Variants in PLCB1 observed in about 807,000 individuals in gnomAD.
PLCB1 encodes the protein phospholipase C beta 1.
In PLCB1, 46 loss-of-function variants were observed where a neutral mutation model predicts 161.8. The observed-to-expected ratio is 0.28, with a 90% CI of 0.22 to 0.36. The LOEUF is 0.36. Ranked by LOEUF, PLCB1 falls within the 10% of genes least tolerant of loss-of-function variation. PLCB1 has a pLI of 1.00. For synonymous variants in PLCB1, 517 were observed against 503.7 expected, an observed-to-expected ratio of 1.03 and a Z score of -0.35; for missense variants, 1,016 against 1,472.5, an observed-to-expected ratio of 0.69 and a Z score of 5.07.
rs1424572946 is a variant in PLCB1, at chr20:8,789,420, T to C, written c.3279-98T>C. ...AAAAATAAGGAAAAAAGAAAAAGAA[T>C]GTTGAGAGTTCTGTAACCTTTTATC... On this transcript the variant is annotated intron_variant, in intron 29 of 31. Coordinates refer to ENST00000338037, the MANE Select transcript of PLCB1 (RefSeq NM_015192.4). The C allele has an allele frequency of 1.1e-5, 9 of 801,266 alleles. 1 individual carries two copies. The highest frequency in any genetic ancestry group is 1.7e-5 in the African/African-American group (1 of 57,904). The allele number at this position is 801,266 out of a possible 1,614,324, so 49.6% of individuals were successfully genotyped here.
chr20:8,521,568 G>C (rs1389266006), intron 3 of PLCB1, among the ~76,000 whole-genome samples: 1 of 152,088 alleles, frequency 6.6e-6, no homozygotes, highest in African/African-American at 2.4e-5. Context: ...AGCTGGGTGT[G>C]GTGGTGTGTG....
intron 3 of PLCB1, among the ~76,000 whole-genome samples, chr20:8,622,630 C>T (rs1350265699): frequency 6.6e-6 from 1 of 152,136 alleles, no homozygotes; most frequent in East Asian, 1.9e-4. Context: ...GTGTTTTGAG[C>T]CTCAGTTGCC....
chr20:8,577,182 C>A (rs374923489), intron 3 of PLCB1, among the ~76,000 whole-genome samples: 8 of 152,088 alleles, frequency 5.3e-5, no homozygotes, highest in Non-Finnish European at 1.0e-4. Context: ...GTAATCCCAG[C>A]ACTTTGGGAG....
At chr20:8,413,468 C>T (rs1272298340) in intron 3 of PLCB1, among the ~76,000 whole-genome samples, 1 of 152,120 alleles carries the variant, frequency 6.6e-6, no homozygotes, top group Non-Finnish European at 1.5e-5. Flanking sequence ...TTTTAAAATC[C>T]GAATCTGCTT....
intron 25 of PLCB1, among the ~76,000 whole-genome samples, chr20:8,761,976 A>AGGTGG: frequency 6.8e-6 from 1 of 146,500 alleles, no homozygotes; most frequent in South Asian, 2.4e-4. Context: ...GGGGAGGCCA[A>AGGTGG]GGGGGGGGCG....
chr20:8,644,824 G>T (rs563177966), intron 4 of PLCB1, among the ~76,000 whole-genome samples: 3 of 152,174 alleles, frequency 2.0e-5, no homozygotes, highest in Admixed American at 2.0e-4. Flanking sequence ...CGTCTGGGAG[G>T]TGTACCCAAC....
rs1555786069 is a variant in PLCB1, at chr20:8,724,731, G to C, written c.1657G>C (p.Glu553Gln). ...GAACTATATTCAGCCAGTCAAGTTT[G>C]AGTCATTTGAAATTTCAAAAAGTAA... The part of the protein sequence containing the change: ...LVNYIQPVKF[E>Q]SFEISKKRNK... The change falls in exon 16 of 32, where the codon GAG becomes CAG. Residue 553 changes from glutamate (E) to glutamine (Q), a missense_variant. Coordinates refer to ENST00000338037, the MANE Select transcript of PLCB1 (RefSeq NM_015192.4). The C allele has an allele frequency of 1.2e-6, 2 of 1,607,936 alleles. No individual in the cohort carries two copies. The highest frequency in any genetic ancestry group is 1.7e-6 in the Non-Finnish European group (2 of 1,175,100).
At chr20:8,666,481 T>C (rs1459351758) in intron 9 of PLCB1, among the ~76,000 whole-genome samples, 1 of 152,208 alleles carries the variant, frequency 6.6e-6, no homozygotes, top group East Asian at 1.9e-4. Context: ...CGTTATTGTC[T>C]TCGTTGTTTC....
chr20:8,524,299 C>T (rs1984494997), intron 3 of PLCB1, among the ~76,000 whole-genome samples: 1 of 152,054 alleles, frequency 6.6e-6, no homozygotes. Flanking sequence ...AAAAAATGAA[C>T]CTCCTGGGTT....
chr20:8,742,323 A>G (rs1422612705), intron 23 of PLCB1, among the ~76,000 whole-genome samples: 1 of 152,170 alleles, frequency 6.6e-6, no homozygotes, highest in African/African-American at 2.4e-5. Flanking sequence ...AAAAGATAGA[A>G]AATGGAGAAC....
intron 3 of PLCB1, among the ~76,000 whole-genome samples, chr20:8,565,259 T>C (rs1986289977): frequency 6.6e-6 from 1 of 152,134 alleles, no homozygotes; most frequent in Admixed American, 6.6e-5. Context: ...ACACCACATG[T>C]TCTCACTCAT....
At chr20:8,152,886 T>A (rs901392150) in intron 2 of PLCB1, among the ~76,000 whole-genome samples, 1 of 152,168 alleles carries the variant, frequency 6.6e-6, no homozygotes, top group Admixed American at 6.5e-5. Context: ...GTGTTTTTTA[T>A]TTTTCTTTTT....
At chr20:8,533,704 T>C (rs1176827652) in intron 3 of PLCB1, among the ~76,000 whole-genome samples, 1 of 151,052 alleles carries the variant, frequency 6.6e-6, no homozygotes, top group African/African-American at 2.4e-5. Context: ...CACTTTTTGA[T>C]GGGGTTGTTT....
intron 3 of PLCB1, among the ~76,000 whole-genome samples, chr20:8,578,696 G>T (rs186388279): frequency 1.6e-4 from 24 of 152,308 alleles, no homozygotes; most frequent in African/African-American, 5.8e-4. Flanking sequence ...CATATTTAGT[G>T]TTTGTCCATT....
chr20:8,316,060 T>C (rs992725712), intron 2 of PLCB1, among the ~76,000 whole-genome samples: 4 of 152,214 alleles, frequency 2.6e-5, no homozygotes, highest in Admixed American at 2.6e-4. Flanking sequence ...TTGGCAGTTT[T>C]ACTCACCTTG....
At chr20:8,499,961 A>ACCG (rs1983335984) in intron 3 of PLCB1, among the ~76,000 whole-genome samples, 1 of 152,220 alleles carries the variant, frequency 6.6e-6, no homozygotes, top group Non-Finnish European at 1.5e-5. Context: ...TCTACTTTTT[A>ACCG]GAAACAACCA....
rs1055220645 is a variant in PLCB1 at position 8,883,017 on chromosome 20, T to C, written c.*1168T>C. 5 of 152,624 alleles carry C rather than the reference T, an allele frequency of 3.3e-5. No individual in the cohort carries two copies. Among genetic ancestry groups the C allele is most frequent in the African/African-American group, 1.2e-4 (5 of 41,462 alleles). The allele number at this position is 152,624 out of a possible 1,614,324, so 9.5% of individuals were successfully genotyped here. A position where few individuals can be genotyped will look rare whatever the true frequency, so the allele number is the denominator to read the frequency against. On this transcript the variant is annotated 3_prime_UTR_variant, in exon 32 of 32. Transcript: ENST00000338037. Reference sequence around the variant, plus strand: ...GAAGAAAAGGGTCAAACATCGAGATTACATGGATGTTAAATTATATGGAGA... The same window carrying C: ...GAAGAAAAGGGTCAAACATCGAGATCACATGGATGTTAAATTATATGGAGA...
chr20:8,764,839 G>A (rs761043), intron 25 of PLCB1, among the ~76,000 whole-genome samples: 35,705 of 152,060 alleles, frequency 0.23, 4,968 homozygotes, highest in Non-Finnish European at 0.32. Context: ...TACTCTGAGA[G>A]TCCCTCAGTA....
intron 3 of PLCB1, among the ~76,000 whole-genome samples, chr20:8,624,079 C>T (rs1035674879): frequency 6.6e-6 from 1 of 152,176 alleles, no homozygotes; most frequent in African/African-American, 2.4e-5. Flanking sequence ...AGCAAGTCGG[C>T]TCTGCCTTCA....
Sources: allele counts gnomAD v4.1 joint callset (sites outside exome capture counted in the v4.1 genomes callset), GRCh38; gene constraint gnomAD v4.1.1; transcripts MANE v1.5; gene names NCBI Gene and HGNC (gene_info 2026-07-23, HGNC 2026-07-21).